Variants in TSPAN9 observed in about 807,000 individuals in gnomAD.
TSPAN9 encodes tetraspanin-9.
In TSPAN9, 16 loss-of-function variants were observed where a neutral mutation model predicts 31.0. That is an observed-to-expected ratio of 0.52 (90% confidence interval 0.35 to 0.78). The LOEUF (loss-of-function observed/expected upper bound fraction) is 0.78, where lower values mean the gene tolerates loss of function less well. Ranked by LOEUF, TSPAN9 falls within the 30% of genes least tolerant of loss-of-function variation. The probability of loss-of-function intolerance (pLI) is 0.01; values close to 1 mark genes in which losing one functional copy is unlikely to be tolerated. For missense variants in TSPAN9, 272 were observed against 312.5 expected (o/e 0.87, Z 0.98); for synonymous variants, 145 against 121.6 (o/e 1.19, Z -1.27).
intron 2 of TSPAN9, among the ~76,000 whole-genome samples, chr12:3,089,406 C>G (rs531769021): frequency 1.3e-5 from 2 of 149,796 alleles, no homozygotes; most frequent in East Asian, 4.2e-4. Flanking sequence ...AAGCGATTCT[C>G]CTGCCTCAGC....
chr12:3,165,910 G>A (rs1449478066), intron 2 of TSPAN9, among the ~76,000 whole-genome samples: 1 of 152,164 alleles, frequency 6.6e-6, no homozygotes, highest in Non-Finnish European at 1.5e-5. Context: ...GCAGGGGACG[G>A]GCCTCAAGGA....
In TSPAN9 at chr12:3,285,746, G is replaced by C. The variant is rs1403429024; in HGVS notation, c.*2630G>C. The C allele has an allele frequency of 6.6e-6, 1 of 152,254 alleles. No individual in the cohort carries two copies. The highest frequency in any genetic ancestry group is 1.5e-5 in the Non-Finnish European group (1 of 68,060). The allele number at this position is 152,254 out of a possible 1,614,324, so 9.4% of individuals were successfully genotyped here. On this transcript the variant is annotated 3_prime_UTR_variant, in exon 9 of 9. Transcript: ENST00000011898. ...TGCCAGAGTCAGTTCAATCAGGTCT[G>C]ATGTGAGCAATTTACACACTTGTCT...
Position 3,103,231 on chromosome 12 carries a change from C to G in TSPAN9, c.-18+19512C>G, listed in dbSNP as rs2098312661. On this transcript the variant is annotated intron_variant, in intron 2 of 8. Coordinates refer to ENST00000011898, the MANE Select transcript of TSPAN9 (RefSeq NM_006675.5). ...GCCGTCACCAGTTCCTGCCTCAGAA[C>G]ACACTTGCCCTCAATGTGACTATGA... Among the ~76,000 whole-genome samples, 4 of 152,366 alleles carry G rather than the reference C, an allele frequency of 2.6e-5. 1 individual carries two copies. Among genetic ancestry groups the G allele is most frequent in the Admixed American group, 2.6e-4 (4 of 15,304 alleles).
At chr12:3,165,602 A>C (rs1046919418) in intron 2 of TSPAN9, among the ~76,000 whole-genome samples, 9 of 152,082 alleles carry the variant, frequency 5.9e-5, no homozygotes, top group Non-Finnish European at 4.4e-5. Flanking sequence ...GTACAGAAGG[A>C]GATACTGAGG....
intron 3 of TSPAN9, among the ~76,000 whole-genome samples, chr12:3,228,221 A>G (rs766115041): frequency 6.6e-6 from 1 of 152,092 alleles, no homozygotes. Context: ...ATGTGGTGGC[A>G]TGCACCTGTG....
At chr12:3,202,718 C>G (rs1412369416) in intron 3 of TSPAN9, among the ~76,000 whole-genome samples, 2 of 152,138 alleles carry the variant, frequency 1.3e-5, no homozygotes, top group African/African-American at 4.8e-5. Flanking sequence ...GGCTGCTTTT[C>G]CAAGGAGACT....
chr12:3,139,489 C>T (rs2087661767), intron 2 of TSPAN9, among the ~76,000 whole-genome samples: 1 of 152,264 alleles, frequency 6.6e-6, no homozygotes. Context: ...CTGCCCTCTG[C>T]TCCTTCTTGA....
chr12:3,176,776 A>G (rs954115139), intron 2 of TSPAN9, among the ~76,000 whole-genome samples: 2 of 152,162 alleles, frequency 1.3e-5, no homozygotes, highest in Non-Finnish European at 2.9e-5. Flanking sequence ...ATCTGCCTCC[A>G]CACCTGGCTG....
At chr12:3,138,019 G>T (rs78221876) in intron 2 of TSPAN9, among the ~76,000 whole-genome samples, 2,274 of 152,294 alleles carry the variant, frequency 0.015, 23 homozygotes, top group Non-Finnish European at 0.024. Flanking sequence ...CTCACTGGCT[G>T]TGTGACCCCA....
chr12:3,226,154 T>G (rs2098387028), intron 3 of TSPAN9, among the ~76,000 whole-genome samples: 5 of 149,864 alleles, frequency 3.3e-5, no homozygotes, highest in African/African-American at 7.4e-5. Context: ...AGGGAGGAGA[T>G]GGGGTGTGAT....
intron 3 of TSPAN9, 40 bp downstream of exon 3, chr12:3,201,296 C>A (rs770637620): frequency 6.3e-7 from 1 of 1,583,948 alleles, no homozygotes; most frequent in East Asian, 2.2e-5. Context: ...CCCTCTTCTC[C>A]TCCTCTTGGC....
At chr12:3,092,330 G>T (rs986539569) in intron 2 of TSPAN9, among the ~76,000 whole-genome samples, 9 of 152,212 alleles carry the variant, frequency 5.9e-5, no homozygotes, top group African/African-American at 1.9e-4. Flanking sequence ...GTTACTGTGT[G>T]CTTTGATTCC....
intron 3 of TSPAN9, among the ~76,000 whole-genome samples, chr12:3,237,909 T>C (rs2098394643): frequency 6.6e-6 from 1 of 152,174 alleles, no homozygotes; most frequent in African/African-American, 2.4e-5. Flanking sequence ...TTCTTAATCA[T>C]GTTTATGAAC....
chr12:3,249,912 T>C (rs1023133519), intron 3 of TSPAN9, among the ~76,000 whole-genome samples: 2 of 152,220 alleles, frequency 1.3e-5, no homozygotes, highest in African/African-American at 2.4e-5. Flanking sequence ...CGTCTCACCA[T>C]GCACAAGGGC....
At chr12:3,217,431 C>T (rs2098381937) in intron 3 of TSPAN9, among the ~76,000 whole-genome samples, 1 of 152,118 alleles carries the variant, frequency 6.6e-6, no homozygotes, top group South Asian at 2.1e-4. Context: ...TGGGAATGAG[C>T]CATCCTGCCC....
At chr12:3,105,858 AC>A (rs2098314352) in intron 2 of TSPAN9, among the ~76,000 whole-genome samples, 1 of 53,580 alleles carries the variant, frequency 1.9e-5, no homozygotes, top group Admixed American at 2.8e-4. Flanking sequence ...ACACACGTTC[AC>A]ACACACACGC....
At position 3,192,700 on chromosome 12, in the gene TSPAN9, G is replaced by T. The variant is rs1357122543; in HGVS notation, c.-17-8477G>T. ...TCAGGTCCAGGTGTGCATTTAGGGG[G>T]TCAACAGCATGCAGATGGCCCTGGA... On this transcript the variant is annotated intron_variant, in intron 2 of 8. Transcript: ENST00000011898. The surrounding 1 kb of genome is among the most constrained non-coding windows in gnomAD (Gnocchi z 4.6). Among the ~76,000 whole-genome samples, 1 of 152,122 alleles carries T rather than the reference G, an allele frequency of 6.6e-6. No homozygotes were observed. Among genetic ancestry groups the T allele is most frequent in the Non-Finnish European group, 1.5e-5 (1 of 68,018 alleles).
intron 3 of TSPAN9, among the ~76,000 whole-genome samples, chr12:3,211,082 G>A (rs1401794525): frequency 2.6e-5 from 4 of 152,154 alleles, no homozygotes; most frequent in African/African-American, 9.7e-5. Flanking sequence ...AGTGCTTGTC[G>A]CAACATAATC....
At chr12:3,222,898 G>C (rs2098385265) in intron 3 of TSPAN9, among the ~76,000 whole-genome samples, 2 of 152,106 alleles carry the variant, frequency 1.3e-5, no homozygotes, top group South Asian at 4.1e-4. Context: ...GATCCCGAGG[G>C]GGCCCTAAGT....
Sources: allele counts gnomAD v4.1 joint callset (sites outside exome capture counted in the v4.1 genomes callset), GRCh38; gene constraint gnomAD v4.1.1; non-coding constraint Gnocchi (gnomAD v3.1); transcripts MANE v1.5; gene names NCBI Gene and HGNC (gene_info 2026-07-23, HGNC 2026-07-21).